The following GPHN variants were observed in gnomAD, a reference collection of about 807,000 sequenced individuals.
GPHN encodes gephyrin.
A neutral mutation model predicts 95.5 loss-of-function variants in GPHN; 17 were observed. The ratio of observed to expected loss-of-function variants is 0.18; its 90% confidence interval spans 0.12 to 0.27. The LOEUF is 0.27. GPHN is among the 10% of genes least tolerant of loss of function. GPHN has a pLI of 1.00. For missense variants in GPHN, 660 were observed against 978.1 expected (o/e 0.67, Z 4.34); for synonymous variants, 320 against 322.5 (o/e 0.99, Z 0.08).
At chr14:66,641,570 T>C (rs1157337698) in intron 1 of GPHN, among the ~76,000 whole-genome samples, 1 of 151,316 alleles carries the variant, frequency 6.6e-6, no homozygotes, top group African/African-American at 2.4e-5. Flanking sequence ...GCAAAAGAAC[T>C]GGACAAATCC....
At chr14:67,532,840 T>C in the GPHN span, among the ~76,000 whole-genome samples, 1 of 152,242 alleles carries the variant, frequency 6.6e-6, no homozygotes, top group Non-Finnish European at 1.5e-5. Context: ...AGGAGAATGC[T>C]GGAACCTTTG....
the GPHN span, among the ~76,000 whole-genome samples, chr14:67,595,928 T>C: frequency 6.6e-6 from 1 of 152,184 alleles, no homozygotes; most frequent in Non-Finnish European, 1.5e-5. Flanking sequence ...GGTCCTTATC[T>C]CTTAAGGCTA....
At chr14:67,366,470 A>C in the GPHN span, among the ~76,000 whole-genome samples, 6 of 152,268 alleles carry the variant, frequency 3.9e-5, no homozygotes, top group Admixed American at 1.3e-4. Flanking sequence ...GCTTACGTAC[A>C]GTAGATACAT....
At chr14:66,894,034 A>G (rs1298985552) in intron 5 of GPHN, among the ~76,000 whole-genome samples, 1 of 151,914 alleles carries the variant, frequency 6.6e-6, no homozygotes, top group Non-Finnish European at 1.5e-5. Context: ...ATATGGAACC[A>G]AAAAACAGCC....
intron 8 of GPHN, among the ~76,000 whole-genome samples, chr14:66,940,864 C>T (rs893855623): frequency 6.6e-6 from 1 of 152,116 alleles, no homozygotes; most frequent in East Asian, 1.9e-4. Context: ...GAATTGAGTC[C>T]TCCTCCAACA....
chr14:66,769,588 G>T (rs752784747), intron 2 of GPHN, among the ~76,000 whole-genome samples: 4 of 152,126 alleles, frequency 2.6e-5, no homozygotes, highest in Admixed American at 6.6e-5. Context: ...TTGGCTTTCT[G>T]TTCTTGCATT....
At chr14:67,091,388 T>TC (rs2077140714) in intron 12 of GPHN, among the ~76,000 whole-genome samples, 1 of 152,024 alleles carries the variant, frequency 6.6e-6, no homozygotes. Context: ...TAGTTTCTTT[T>TC]TTTTTTCCCA....
chr14:66,719,419 GAT>G (rs1378914530), intron 2 of GPHN, among the ~76,000 whole-genome samples: 1 of 152,156 alleles, frequency 6.6e-6, no homozygotes, highest in East Asian at 1.9e-4. Flanking sequence ...CCCCAGTGAG[GAT>G]GTGTGTTCGG....
At chr14:67,650,844 G>A in the GPHN span, 1 of 1,613,928 alleles carries the variant, frequency 6.2e-7, no homozygotes, top group East Asian at 2.2e-5. Context: ...AGAGAAGGAG[G>A]GCATATTGTC....
At chr14:66,829,833 G>T (rs1210175966) in intron 4 of GPHN, among the ~76,000 whole-genome samples, 1 of 152,114 alleles carries the variant, frequency 6.6e-6, no homozygotes, top group Non-Finnish European at 1.5e-5. Context: ...AAAAATGAGT[G>T]AGACTTTCAC....
chr14:67,114,747 C>A (rs912529888), intron 16 of GPHN, among the ~76,000 whole-genome samples: 1 of 152,110 alleles, frequency 6.6e-6, no homozygotes, highest in African/African-American at 2.4e-5. Context: ...TAATAGGAAA[C>A]TCTGTTTAAG....
At chr14:66,743,003 A>T (rs894271469) in intron 2 of GPHN, among the ~76,000 whole-genome samples, 2 of 151,432 alleles carry the variant, frequency 1.3e-5, no homozygotes, top group African/African-American at 4.9e-5. Context: ...TTTAATACTT[A>T]AGTTTCTTTT....
chr14:67,200,127 T>C, the GPHN span: 1 of 1,083,720 alleles, frequency 9.2e-7, no homozygotes, highest in African/African-American at 1.6e-5. Flanking sequence ...CCCGAAGGCC[T>C]CCATTCTGAT....
the GPHN span, chr14:67,572,036 G>T: frequency 6.7e-7 from 1 of 1,489,540 alleles, no homozygotes; most frequent in South Asian, 1.3e-5. Flanking sequence ...CAGCCCCAGA[G>T]ACCGGGTCCC....
At chr14:67,557,666 C>T in the GPHN span, among the ~76,000 whole-genome samples, 1 of 152,242 alleles carries the variant, frequency 6.6e-6, no homozygotes, top group Non-Finnish European at 1.5e-5. Flanking sequence ...GTGAAGCCCA[C>T]CTCTAGCACC....
chr14:66,927,933 GGTGTACTAGCATTTT>G (rs2066572712), intron 8 of GPHN, among the ~76,000 whole-genome samples: 1 of 152,058 alleles, frequency 6.6e-6, no homozygotes, highest in Admixed American at 6.6e-5. Flanking sequence ...TTCTGAATTT[GGTGTACTAGCATTTT>G]GTTGAGGATT....
chr14:66,828,452 T>A (rs534352876), intron 4 of GPHN, among the ~76,000 whole-genome samples: 25 of 152,266 alleles, frequency 1.6e-4, no homozygotes, highest in African/African-American at 5.3e-4. Flanking sequence ...TAGACACATT[T>A]ACCTATATTA....
chr14:67,610,390 C>T, the GPHN span, among the ~76,000 whole-genome samples: 4 of 152,090 alleles, frequency 2.6e-5, no homozygotes, highest in African/African-American at 9.7e-5. Flanking sequence ...CCTCCTTGTT[C>T]GGAGATCGAA....
the GPHN span, chr14:67,381,818 T>G: frequency 1.7e-6 from 1 of 596,468 alleles, no homozygotes; most frequent in Non-Finnish European, 2.9e-6. Context: ...CTCTTAAAAT[T>G]GAGCAGTGGT....
Sources: allele counts gnomAD v4.1 joint callset (sites outside exome capture counted in the v4.1 genomes callset), GRCh38; gene constraint gnomAD v4.1.1; transcripts MANE v1.5; gene names NCBI Gene and HGNC (gene_info 2026-07-23, HGNC 2026-07-21).